The following CASS4 variants were observed in gnomAD, a reference collection of about 807,000 sequenced individuals.
CASS4 encodes Cas scaffold protein family member 4.
Under a neutral mutation model 54.2 loss-of-function variants are expected in CASS4, and 22 were observed. The ratio of observed to expected loss-of-function variants is 0.41; its 90% CI spans 0.29 to 0.58. The LOEUF is 0.58. Among genes scored for constraint, CASS4 ranks in the 20% least tolerant of loss-of-function variants. The probability of loss-of-function intolerance (pLI) is 0.36; values close to 1 mark genes in which losing one functional copy is unlikely to be tolerated. For synonymous variants in CASS4, 409 were observed against 391.5 expected (o/e 1.04, Z -0.53); for missense variants, 854 against 986.7 (o/e 0.87, Z 1.80).
In CASS4 at chr20:56,445,942, A is replaced by T; in HGVS notation, c.502A>T (p.Thr168Ser). Residue 168 changes from threonine (T) to serine (S), a missense_variant, in exon 3 of 6, where the codon ACT (threonine) becomes TCT (serine). Coordinates refer to ENST00000679887, the MANE Select transcript of CASS4 (RefSeq NM_020356.4). Reference protein sequence around the residue: ...LPRPVRASLPTLPSQVYDVPT... With the variant: ...LPRPVRASLPSLPSQVYDVPT... ...CAGACCTGTCCGGGCCTCACTGCCG[A>T]CTCTGCCTTCCCAGGTGTATGACGT... 1 of 1,613,660 alleles carries T rather than the reference A, an allele frequency of 6.2e-7. No individual in the cohort carries two copies. The highest frequency in any genetic ancestry group is 8.5e-7 in the Non-Finnish European group (1 of 1,179,904).
chr20:56,451,868 A>G lies in CASS4; in HGVS notation c.692A>G (p.Tyr231Cys), dbSNP rs1224681222. Residue 231 changes from tyrosine (Y) to cysteine (C), a missense_variant, in exon 5 of 6, where the codon TAC becomes TGC. Physicochemically the swap from Tyr to Cys is radical, Grantham distance 194 (BLOSUM62 -2). Transcript: ENST00000679887. Reference protein sequence around the residue: ...ISVTTLRRGGYSTLPNPQKSE... With the variant: ...ISVTTLRRGGCSTLPNPQKSE... ...GTGACTACCTTAAGAAGAGGCGGTT[A>G]CAGCACATTACCAAATCCTCAGAAA... 6.2e-7 allele frequency: 1 copy of G among 1,613,082 alleles called. No homozygotes were observed. The highest frequency in any genetic ancestry group is 8.5e-7 in the Non-Finnish European group (1 of 1,179,114).
chr20:56,454,810 C>T (rs1981210568), intron 5 of CASS4, among the ~76,000 whole-genome samples: 1 of 152,210 alleles, frequency 6.6e-6, no homozygotes, highest in South Asian at 2.1e-4. Context: ...CATCATGCTA[C>T]GGATAGCTCA....
intron 1 of CASS4, among the ~76,000 whole-genome samples, chr20:56,422,638 T>G (rs1178013749): frequency 6.6e-6 from 1 of 152,204 alleles, no homozygotes; most frequent in African/African-American, 2.4e-5. Context: ...AAAGCCCCGT[T>G]AGTAGGCAGT....
intron 5 of CASS4, chr20:56,453,903 G>A (rs1981163338): frequency 6.6e-6 from 1 of 152,162 alleles, no homozygotes; most frequent in Non-Finnish European, 1.5e-5. Flanking sequence ...AAAAGAGTTG[G>A]GATATAGTGG....
At chr20:56,423,971 C>T (rs1294224910) in intron 1 of CASS4, among the ~76,000 whole-genome samples, 1 of 152,106 alleles carries the variant, frequency 6.6e-6, no homozygotes, top group Non-Finnish European at 1.5e-5. Flanking sequence ...TCACCTTTTT[C>T]AAAAACGGGG....
intron 1 of CASS4, among the ~76,000 whole-genome samples, chr20:56,422,234 C>T (rs960783741): frequency 2.6e-5 from 4 of 152,198 alleles, no homozygotes; most frequent in African/African-American, 7.2e-5. Flanking sequence ...GAACACACTA[C>T]GATCTCTGGA....
chr20:56,448,239 T>G (rs765303062), intron 3 of CASS4, among the ~76,000 whole-genome samples: 2 of 152,202 alleles, frequency 1.3e-5, no homozygotes, highest in African/African-American at 2.4e-5. Context: ...CCTGTCTTTA[T>G]GTAAAACTGT....
At chr20:56,454,968 T>C (rs1001888822) in intron 5 of CASS4, among the ~76,000 whole-genome samples, 1 of 152,146 alleles carries the variant, frequency 6.6e-6, no homozygotes, top group Admixed American at 6.6e-5. Context: ...GAAATGACTG[T>C]AGGGGCTCTG....
chr20:56,432,343 G>A (rs914167391), intron 1 of CASS4, among the ~76,000 whole-genome samples: 2 of 130,960 alleles, frequency 1.5e-5, no homozygotes, highest in Non-Finnish European at 3.2e-5. Context: ...TAGCATGTAA[G>A]TTTCATAAGT....
intron 2 of CASS4, among the ~76,000 whole-genome samples, chr20:56,442,636 C>T (rs1980514791): frequency 6.8e-6 from 1 of 148,008 alleles, no homozygotes; most frequent in African/African-American, 2.6e-5. Flanking sequence ...TTTATCCCAA[C>T]TTCCTTAATA....
chr20:56,421,154 G>T (rs1979392924), intron 1 of CASS4, among the ~76,000 whole-genome samples: 2 of 152,184 alleles, frequency 1.3e-5, no homozygotes, highest in African/African-American at 4.8e-5. Flanking sequence ...AAATGGAAGT[G>T]CCCTGACTGC....
intron 2 of CASS4, among the ~76,000 whole-genome samples, chr20:56,444,085 C>T (rs995927972): frequency 6.6e-6 from 1 of 152,130 alleles, no homozygotes; most frequent in Non-Finnish European, 1.5e-5. Flanking sequence ...TGTCTGCATC[C>T]GTGAGTCTAG....
chr20:56,422,076 C>A (rs765539512), intron 1 of CASS4, among the ~76,000 whole-genome samples: 5 of 152,180 alleles, frequency 3.3e-5, no homozygotes, highest in Non-Finnish European at 5.9e-5. Context: ...CCTCCTCCTT[C>A]GGTGGGTTTT....
At chr20:56,445,097 C>T (rs572843296) in intron 2 of CASS4, among the ~76,000 whole-genome samples, 23 of 149,372 alleles carry the variant, frequency 1.5e-4, no homozygotes, top group Admixed American at 4.0e-4. Flanking sequence ...GCAACAGGAG[C>T]GAAGATCCAT....
intron 2 of CASS4, among the ~76,000 whole-genome samples, chr20:56,439,893 G>A (rs999576749): frequency 3.3e-5 from 5 of 152,106 alleles, no homozygotes; most frequent in African/African-American, 9.7e-5. Context: ...CATCCCACCC[G>A]GCCACAGCTC....
intron 5 of CASS4, among the ~76,000 whole-genome samples, chr20:56,456,657 G>A (rs1981311686): frequency 6.6e-6 from 1 of 151,954 alleles, no homozygotes; most frequent in Non-Finnish European, 1.5e-5. Context: ...TTACAGGTGT[G>A]AGTCACCGTG....
At chr20:56,444,695 C>T (rs1980622051) in intron 2 of CASS4, among the ~76,000 whole-genome samples, 1 of 152,208 alleles carries the variant, frequency 6.6e-6, no homozygotes, top group African/African-American at 2.4e-5. Context: ...ATTGAGCCAA[C>T]ATCATTGAGC....
At position 56,414,866 on chromosome 20, in the gene CASS4, T is replaced by C. The variant is rs1979055473; in HGVS notation, c.36+2372T>C. ...GGAGGCTGAGGCAGGAGAATTGCTT[T>C]ATATATATATATAAATAGTAGCCAA... On this transcript the variant is annotated intron_variant, in intron 1 of 5. Coordinates refer to ENST00000679887, the MANE Select transcript of CASS4 (RefSeq NM_020356.4). The surrounding 1 kb of genome is among the most constrained non-coding windows in gnomAD (Gnocchi z 4.1). 6.8e-6 allele frequency among the ~76,000 whole-genome samples: 1 copy of C among 147,478 alleles called. No homozygotes were observed. The highest frequency in any genetic ancestry group is 1.9e-4 in the East Asian group (1 of 5,180).
intron 3 of CASS4, among the ~76,000 whole-genome samples, chr20:56,449,516 C>T (rs940097019): frequency 6.6e-6 from 1 of 151,938 alleles, no homozygotes; most frequent in Admixed American, 6.6e-5. Flanking sequence ...ATGTAAATGA[C>T]GAGTTAATGG....
Sources: allele counts gnomAD v4.1 joint callset (sites outside exome capture counted in the v4.1 genomes callset), GRCh38; gene constraint gnomAD v4.1.1; non-coding constraint Gnocchi (gnomAD v3.1); transcripts MANE v1.5; gene names NCBI Gene and HGNC (gene_info 2026-07-23, HGNC 2026-07-21).